Variants in RYR2 observed in about 807,000 individuals in gnomAD.
RYR2 encodes the protein ryanodine receptor 2, also known as cardiac muscle ryanodine receptor-calcium release channel.
In RYR2, 227 loss-of-function variants were observed where a neutral mutation model predicts 601.1. The observed-to-expected ratio is 0.38, with a 90% confidence interval of 0.34 to 0.42. The LOEUF (loss-of-function observed/expected upper bound fraction) is 0.42, where lower values mean the gene tolerates loss of function less well. Among genes scored for constraint, RYR2 ranks in the 10% least tolerant of loss-of-function variants. RYR2 has a pLI of 1.00. For synonymous variants in RYR2, 2,223 were observed against 2,175.1 expected, an observed-to-expected ratio of 1.02 and a Z score of -0.61; for missense variants, 4,646 against 6,156.5, an observed-to-expected ratio of 0.75 and a Z score of 8.21.
intron 2 of RYR2, among the ~76,000 whole-genome samples, chr1:237,296,070 A>C (rs555044680): frequency 1.3e-5 from 2 of 152,348 alleles, no homozygotes; most frequent in South Asian, 2.1e-4. Context: ...GGAACCAGTC[A>C]TTGGATGCTT....
chr1:237,447,332 A>G (rs1657484756), intron 14 of RYR2, among the ~76,000 whole-genome samples: 2 of 152,178 alleles, frequency 1.3e-5, no homozygotes, highest in Admixed American at 6.5e-5. Flanking sequence ...CTTGAATGTG[A>G]TTTACTTTAG....
chr1:237,227,992 T>C (rs190184748), intron 1 of RYR2, among the ~76,000 whole-genome samples: 14 of 151,966 alleles, frequency 9.2e-5, no homozygotes, highest in Non-Finnish European at 2.1e-4. Context: ...TTGATTTCCA[T>C]AGGTTTTTGG....
intron 2 of RYR2, among the ~76,000 whole-genome samples, chr1:237,305,133 G>A (rs952723509): frequency 4.6e-5 from 7 of 152,158 alleles, no homozygotes; most frequent in Non-Finnish European, 8.8e-5. Flanking sequence ...ATTTAGGATT[G>A]TCTCTTAGGT....
intron 17 of RYR2, among the ~76,000 whole-genome samples, chr1:237,485,485 G>A (rs1662586708): frequency 3.3e-5 from 5 of 152,086 alleles, no homozygotes; most frequent in Admixed American, 2.6e-4. Flanking sequence ...TACAAAAGGA[G>A]GAATAATTAA....
intron 4 of RYR2, among the ~76,000 whole-genome samples, chr1:237,356,933 A>G (rs1228957619): frequency 6.6e-6 from 1 of 152,036 alleles, no homozygotes; most frequent in Admixed American, 6.6e-5. Flanking sequence ...GCTTTATTTT[A>G]TCTTCATTAT....
At chr1:237,554,857 G>A (rs543832571) in intron 27 of RYR2, among the ~76,000 whole-genome samples, 18 of 152,034 alleles carry the variant, frequency 1.2e-4, no homozygotes, top group African/African-American at 3.9e-4. Flanking sequence ...GATAGTTGAT[G>A]TTTTCTCTCT....
chr1:237,347,735 A>C (rs557526943), intron 3 of RYR2, among the ~76,000 whole-genome samples: 1 of 152,254 alleles, frequency 6.6e-6, no homozygotes, highest in South Asian at 2.1e-4. Flanking sequence ...TTAGTAGACT[A>C]ATACTCCAGC....
chr1:237,161,964 G>C (rs924037372), intron 1 of RYR2, among the ~76,000 whole-genome samples: 2 of 152,166 alleles, frequency 1.3e-5, no homozygotes, highest in African/African-American at 4.8e-5. Context: ...CACCTGTTAT[G>C]TGTTAGAAAT....
chr1:237,684,901 C>T (rs1174973822), intron 62 of RYR2, among the ~76,000 whole-genome samples: 2 of 145,584 alleles, frequency 1.4e-5, no homozygotes, highest in African/African-American at 5.1e-5. Context: ...GGAAATAGGT[C>T]TTTGAAGAAC....
intron 1 of RYR2, among the ~76,000 whole-genome samples, chr1:237,184,507 C>T (rs1432072528): frequency 1.3e-5 from 2 of 152,286 alleles, no homozygotes; most frequent in Middle Eastern, 3.4e-3. Flanking sequence ...CAGAGACTTA[C>T]GTAACTCATT....
At chr1:237,584,465 G>A (rs1323398967) in intron 29 of RYR2, among the ~76,000 whole-genome samples, 10 of 152,040 alleles carry the variant, frequency 6.6e-5, no homozygotes, top group Non-Finnish European at 1.5e-5. Flanking sequence ...GCTCCAGAAA[G>A]TCAGGGGTTA....
intron 25 of RYR2, among the ~76,000 whole-genome samples, chr1:237,533,794 T>C (rs988653183): frequency 9.2e-5 from 14 of 152,136 alleles, no homozygotes; most frequent in African/African-American, 3.1e-4. Flanking sequence ...TTGGTATAAA[T>C]ATAGGCAGGG....
intron 3 of RYR2, among the ~76,000 whole-genome samples, chr1:237,354,540 T>A (rs1699134295): frequency 6.6e-6 from 1 of 152,132 alleles, no homozygotes; most frequent in Admixed American, 6.6e-5. Flanking sequence ...TTTTTTTAGA[T>A]TTTTTTGGGG....
intron 101 of RYR2, among the ~76,000 whole-genome samples, chr1:237,825,755 T>G (rs1663017586): frequency 6.6e-6 from 1 of 152,204 alleles, no homozygotes; most frequent in Admixed American, 6.5e-5. Flanking sequence ...GAAAATTTTT[T>G]GCTGTCTATC....
chr1:237,274,548 T>C (rs1690067109), intron 2 of RYR2, among the ~76,000 whole-genome samples: 1 of 152,154 alleles, frequency 6.6e-6, no homozygotes, highest in African/African-American at 2.4e-5. Context: ...GTTTATAAAG[T>C]AAAAAGTTAC....
intron 34 of RYR2, among the ~76,000 whole-genome samples, chr1:237,598,954 C>A (rs1203923165): frequency 6.6e-6 from 1 of 151,882 alleles, no homozygotes; most frequent in Non-Finnish European, 1.5e-5. Context: ...GAAGACATTA[C>A]AACCTATACC....
intron 98 of RYR2, among the ~76,000 whole-genome samples, chr1:237,804,632 A>G (rs1237446771): frequency 6.6e-6 from 1 of 152,256 alleles, no homozygotes; most frequent in Non-Finnish European, 1.5e-5. Context: ...AATAATCAAC[A>G]TTAATTATAA....
chr1:237,146,537 G>A (rs886216286), intron 1 of RYR2, among the ~76,000 whole-genome samples: 35 of 152,136 alleles, frequency 2.3e-4, no homozygotes, highest in African/African-American at 8.4e-4. Context: ...TGCAGGATGC[G>A]CTCCTTCTTA....
Position 237,730,313 on chromosome 1 carries a change from C to A in RYR2, c.10892C>A (p.Thr3631Lys). The change falls in exon 77 of 105, where the codon ACA (threonine) becomes AAA (lysine). Residue 3631 changes from threonine (T) to lysine (K), a missense_variant. Coordinates refer to ENST00000366574, the MANE Select transcript of RYR2 (RefSeq NM_001035.3). ...GGATATGAAAAGTCTTGGATTGAAA[C>A]AGAAGAACATTACTTTGAAGATAAA... is the stretch of plus-strand genomic sequence containing the variant. ...LQGYEKSWIETEEHYFEDKLI... is the reference protein window; with the variant it reads ...LQGYEKSWIEKEEHYFEDKLI... The A allele has an allele frequency of 6.2e-7, 1 of 1,606,908 alleles. No individual in the cohort carries two copies. The highest frequency in any genetic ancestry group is 1.1e-5 in the South Asian group (1 of 90,930).
Sources: allele counts gnomAD v4.1 joint callset (sites outside exome capture counted in the v4.1 genomes callset), GRCh38; gene constraint gnomAD v4.1.1; transcripts MANE v1.5; gene names NCBI Gene and HGNC (gene_info 2026-07-23, HGNC 2026-07-21).